PIAS2: variants seen among roughly 807,000 people sequenced by gnomAD.
The protein encoded by PIAS2 is E3 SUMO-protein ligase PIAS2.
In PIAS2, 19 loss-of-function variants were observed where a neutral mutation model predicts 69.7. The ratio of observed to expected loss-of-function variants is 0.27; its 90% CI spans 0.19 to 0.40. The LOEUF (loss-of-function observed/expected upper bound fraction) is 0.40, where lower values mean the gene tolerates loss of function less well. PIAS2 is among the 10% of genes least tolerant of loss of function. The pLI is 1.00. For synonymous variants in PIAS2, 261 were observed against 263.2 expected (o/e 0.99, Z 0.08); for missense variants, 624 against 757.0 (o/e 0.82, Z 2.06).
chr18:46,823,227 C>T (rs968556970), intron 11 of PIAS2, among the ~76,000 whole-genome samples: 1 of 151,188 alleles, frequency 6.6e-6, no homozygotes, highest in South Asian at 2.1e-4. Flanking sequence ...AGCAAGACCT[C>T]GTCTCAAAAA....
chr18:46,849,116 T>A (rs1200292634), intron 5 of PIAS2, among the ~76,000 whole-genome samples: 1 of 152,072 alleles, frequency 6.6e-6, no homozygotes, highest in Non-Finnish European at 1.5e-5. Context: ...CTCTGGAAAT[T>A]AGAATTTAAG....
At position 46,828,017 on chromosome 18, in the gene PIAS2, G is replaced by A. The variant is rs1568390914; in HGVS notation, c.1450C>T (p.Pro484Ser). 1.2e-6 allele frequency: 2 copies of A among 1,613,802 alleles called. No homozygotes were observed. Among genetic ancestry groups the A allele is most frequent in the African/African-American group, 1.3e-5 (1 of 74,990 alleles). The change falls in exon 11 of 14, where the codon CCT (proline) becomes TCT (serine). Residue 484 changes from proline (P) to serine (S), a missense_variant. Around this residue, in one of 3 missense-constraint regions of PIAS2, gnomAD observed 241 missense variants for 257.3 expected, o/e 0.94. Transcript: ENST00000585916. ...IESSSDEEED[P>S]PAKRKCIFMS... Reference sequence around the variant, plus strand: ...AAGATGCATTTCCTTTTGGCAGGAGGGTCTTCCTCTTCGTCAGAAGAGCTT... The same window carrying A: ...AAGATGCATTTCCTTTTGGCAGGAGAGTCTTCCTCTTCGTCAGAAGAGCTT...
intron 5 of PIAS2, among the ~76,000 whole-genome samples, chr18:46,850,310 C>T (rs1801670507): frequency 6.6e-6 from 1 of 151,952 alleles, no homozygotes; most frequent in South Asian, 2.1e-4. Context: ...AAACTAGAGC[C>T]CCACACCGCA....
At chr18:46,906,295 T>C (rs1007867261) in intron 1 of PIAS2, 1 of 151,786 alleles carries the variant, frequency 6.6e-6, no homozygotes, top group Non-Finnish European at 1.5e-5. Flanking sequence ...ACAGCTTCTA[T>C]TCAACATTGT....
In PIAS2 at chr18:46,863,734, A is replaced by G. The variant is rs115523454; in HGVS notation, c.584+430T>C. On this transcript the variant is annotated intron_variant, in intron 3 of 13. Coordinates refer to ENST00000585916, the MANE Select transcript of PIAS2 (RefSeq NM_004671.5). The stretch of plus-strand genomic sequence containing the variant: ...ATATTTGGCTGACTTTAGTCAAAGT[A>G]TACTACCCTTTCATGAGAGAAACAG... Among the ~76,000 whole-genome samples the G allele has an allele frequency of 1.8e-3, 278 of 152,360 alleles. 2 individuals carry two copies. Among genetic ancestry groups the G allele is most frequent in the African/African-American group, 6.6e-3 (274 of 41,588 alleles).
At chr18:46,859,793 T>C (rs966898047) in intron 3 of PIAS2, among the ~76,000 whole-genome samples, 1 of 152,176 alleles carries the variant, frequency 6.6e-6, no homozygotes, top group Admixed American at 6.5e-5. Context: ...AAAAGGTGTC[T>C]AGAGGGAGGT....
intron 1 of PIAS2, 118 bp from the exon 2 acceptor site, chr18:46,891,172 A>G: frequency 1.4e-6 from 1 of 734,982 alleles, no homozygotes; most frequent in East Asian, 2.7e-5. Flanking sequence ...ATGTGCTAGT[A>G]ACAGCATTTC....
intron 1 of PIAS2, among the ~76,000 whole-genome samples, chr18:46,894,317 T>A (rs1375538271): frequency 1.3e-5 from 2 of 152,160 alleles, no homozygotes; most frequent in East Asian, 1.9e-4. Flanking sequence ...TCCCCCACAG[T>A]GAGTGGGTGT....
At chr18:46,844,313 TCTTTTTAAAAGTAAAA>T (rs1248612729) in intron 7 of PIAS2, among the ~76,000 whole-genome samples, 186 bp from the exon 8 acceptor site, 1 of 152,138 alleles carries the variant, frequency 6.6e-6, no homozygotes, top group African/African-American at 2.4e-5. Context: ...TCTTAAAATT[TCTTTTTAAAAGTAAAA>T]CTGCTGGCAA....
intron 12 of PIAS2, chr18:46,818,494 A>G (rs770732103): frequency 1.3e-6 from 2 of 1,494,598 alleles, no homozygotes. Flanking sequence ...AAGGAATGTT[A>G]AGAAATGTAT....
At chr18:46,855,462 C>T in intron 4 of PIAS2, 27 bp from the exon 5 acceptor site, 3 of 1,588,894 alleles carry the variant, frequency 1.9e-6, no homozygotes, top group Non-Finnish European at 2.6e-6. Flanking sequence ...AAAAAGTATT[C>T]TTAAATAGTG....
At chr18:46,883,703 A>G (rs1200091581) in intron 2 of PIAS2, among the ~76,000 whole-genome samples, 3 of 152,172 alleles carry the variant, frequency 2.0e-5, no homozygotes, top group African/African-American at 7.2e-5. Flanking sequence ...TTAGCCAAGC[A>G]TGGTGGTGCA....
chr18:46,837,193 T>C (rs1297908677), intron 8 of PIAS2, among the ~76,000 whole-genome samples: 1 of 151,816 alleles, frequency 6.6e-6, no homozygotes, highest in East Asian at 1.9e-4. Flanking sequence ...ACACACTATC[T>C]TCCACAAAAA....
At chr18:46,873,199 G>T in intron 2 of PIAS2, among the ~76,000 whole-genome samples, 1 of 152,194 alleles carries the variant, frequency 6.6e-6, no homozygotes, top group Admixed American at 6.5e-5. Flanking sequence ...GCAGGAAGAT[G>T]GCTCACCGAC....
chr18:46,827,885 A>G, intron 11 of PIAS2, 74 bp downstream of exon 11: 2 of 1,263,402 alleles, frequency 1.6e-6, no homozygotes, highest in South Asian at 1.5e-5. Context: ...TTTCCCAAAG[A>G]GACATTTATA....
intron 1 of PIAS2, among the ~76,000 whole-genome samples, chr18:46,900,196 C>T (rs1021682193): frequency 6.6e-6 from 1 of 151,674 alleles, no homozygotes; most frequent in African/African-American, 2.4e-5. Context: ...AAAACACAGT[C>T]TCTACAGAAA....
chr18:46,857,829 T>C (rs2048065466), intron 3 of PIAS2, among the ~76,000 whole-genome samples: 1 of 152,230 alleles, frequency 6.6e-6, no homozygotes, highest in African/African-American at 2.4e-5. Flanking sequence ...AAGTTTTACA[T>C]ACTGGTCCAT....
chr18:46,816,467 A>G lies in PIAS2; in HGVS notation c.1649-1118T>C, dbSNP rs143363597. On this transcript the variant is annotated intron_variant, in intron 12 of 13. Transcript: ENST00000585916. ...TAAAGCCTTTTTGAAAATTGTTGCT[A>G]CAGATTTTTTTTTTTTCCTTTTTTT... 1.6e-4 allele frequency: 155 copies of G among 984,292 alleles called. 1 individual carries two copies. The East Asian group carries it at 6.2e-3, about 40-fold the overall frequency. The allele number at this position is 984,292 out of a possible 1,614,324, so 61.0% of individuals were successfully genotyped here.
chr18:46,869,669 G>A (rs1353105368), intron 2 of PIAS2, among the ~76,000 whole-genome samples: 2 of 152,126 alleles, frequency 1.3e-5, no homozygotes, highest in African/African-American at 2.4e-5. Flanking sequence ...TTAACATACT[G>A]GAGGGACAGT....
Sources: gnomAD v4.1 joint callset for allele counts (sites outside exome capture counted in the v4.1 genomes callset) on GRCh38, gnomAD v4.1.1 for gene constraint, gnomAD v4.1.1 regional missense constraint, MANE v1.5 for transcripts, NCBI Gene and HGNC (gene_info 2026-07-23, HGNC 2026-07-21) for gene names.